The following MYOM1 variants were observed in gnomAD, a reference collection of about 807,000 sequenced individuals.
MYOM1 encodes myomesin 1.
In MYOM1, 164 loss-of-function variants were observed where a neutral mutation model predicts 205.3. The ratio of observed to expected loss-of-function variants is 0.80; its 90% CI spans 0.70 to 0.91. MYOM1 has a LOEUF of 0.91. MYOM1 is among the 40% of genes least tolerant of loss of function. MYOM1 has a pLI of 0.00. For missense variants in MYOM1, 2,011 were observed against 2,127.3 expected, an observed-to-expected ratio of 0.95 and a Z score of 1.08; for synonymous variants, 772 against 789.4, an observed-to-expected ratio of 0.98 and a Z score of 0.37.
intron 10 of MYOM1, among the ~76,000 whole-genome samples, chr18:3,163,034 C>CA (rs58732919): frequency 3.0e-3 from 392 of 130,628 alleles, no homozygotes; most frequent in Non-Finnish European, 4.8e-3. Flanking sequence ...CTCAAAAAAA[C>CA]AAAAAAAAAC....
intron 34 of MYOM1, among the ~76,000 whole-genome samples, chr18:3,077,573 A>G (rs945684524): frequency 1.5e-4 from 23 of 152,208 alleles, no homozygotes; most frequent in East Asian, 1.9e-4. Flanking sequence ...ACTCTGACAG[A>G]GAGGTGGGAA....
chr18:3,104,820 T>G (rs1335565301), intron 22 of MYOM1, among the ~76,000 whole-genome samples: 2 of 147,774 alleles, frequency 1.4e-5, no homozygotes, highest in Non-Finnish European at 3.0e-5. Flanking sequence ...TGGTGTGATC[T>G]TGCCTCGCTG....
upstream of MYOM1, among the ~76,000 whole-genome samples, chr18:3,223,749 T>G (rs1262610544): frequency 6.6e-6 from 1 of 152,238 alleles, no homozygotes; most frequent in Non-Finnish European, 1.5e-5. Flanking sequence ...AAACTCTGCT[T>G]CTACCTGCTG....
chr18:3,069,053 GC>G (rs1417207945), intron 37 of MYOM1, among the ~76,000 whole-genome samples: 2 of 152,100 alleles, frequency 1.3e-5, no homozygotes, highest in Non-Finnish European at 2.9e-5. Flanking sequence ...GAGATTACAG[GC>G]ATGGGCCACC....
chr18:3,085,299 A>G (rs2079140398), intron 30 of MYOM1, among the ~76,000 whole-genome samples, 167 bp from the exon 31 acceptor site: 1 of 112,752 alleles, frequency 8.9e-6, no homozygotes, highest in Admixed American at 1.4e-4. Context: ...TCTATCAGCC[A>G]GGCTGGAGTG....
intron 3 of MYOM1, chr18:3,190,334 TAAG>T (rs1306055813): frequency 6.6e-6 from 1 of 152,240 alleles, no homozygotes; most frequent in African/African-American, 2.4e-5. Context: ...TCGTGCATTC[TAAG>T]AATGATTACT....
At chr18:3,187,964 G>A (rs1467813117) in intron 4 of MYOM1, among the ~76,000 whole-genome samples, 1 of 146,632 alleles carries the variant, frequency 6.8e-6, no homozygotes, top group Non-Finnish European at 1.5e-5. Flanking sequence ...TCAGCCTCCC[G>A]AGTAGCTGGG....
intron 4 of MYOM1, 119 bp downstream of exon 4, chr18:3,188,629 A>C (rs924571369): frequency 5.9e-6 from 7 of 1,180,522 alleles, no homozygotes; most frequent in East Asian, 5.2e-5. Context: ...ACTCCATCTC[A>C]AAAGGAAAAA....
chr18:3,163,324 T>C (rs1444216452), intron 10 of MYOM1, among the ~76,000 whole-genome samples: 4 of 152,230 alleles, frequency 2.6e-5, no homozygotes, highest in Admixed American at 6.5e-5. Flanking sequence ...GGAACAGTCA[T>C]AGGGAACTGT....
intron 14 of MYOM1, among the ~76,000 whole-genome samples, chr18:3,140,211 A>C (rs1242658621): frequency 1.3e-5 from 2 of 152,030 alleles, no homozygotes; most frequent in African/African-American, 4.8e-5. Context: ...GTTCGAGATC[A>C]CCCTGGCTAA....
At chr18:3,129,176 A>C (rs1410005248) in intron 18 of MYOM1, 56 bp downstream of exon 18, 10 of 1,549,432 alleles carry the variant, frequency 6.5e-6, no homozygotes. Context: ...GTAGACGATG[A>C]GAGGTGAGGA....
intron 5 of MYOM1, among the ~76,000 whole-genome samples, chr18:3,181,713 C>A (rs1034186017): frequency 2.7e-5 from 4 of 147,178 alleles, no homozygotes; most frequent in African/African-American, 1.0e-4. Context: ...TGACAACGAC[C>A]TTTGGGTGAA....
At chr18:3,071,420 A>G (rs549120976) in intron 37 of MYOM1, among the ~76,000 whole-genome samples, 1 of 152,114 alleles carries the variant, frequency 6.6e-6, no homozygotes, top group South Asian at 2.1e-4. Flanking sequence ...GTGCAGTGGC[A>G]TGATCTTGGC....
intron 31 of MYOM1, 149 bp downstream of exon 31, chr18:3,084,896 C>G (rs905048727): frequency 5.1e-6 from 3 of 587,106 alleles, no homozygotes; most frequent in African/African-American, 3.8e-5. Context: ...TTGAATAAAA[C>G]AGTTCACTCT....
At chr18:3,241,001 G>A in the MYOM1 span, among the ~76,000 whole-genome samples, 1 of 152,204 alleles carries the variant, frequency 6.6e-6, no homozygotes, top group Non-Finnish European at 1.5e-5. Flanking sequence ...TCTGGCAGAA[G>A]AAATTTCTAA....
intron 18 of MYOM1, among the ~76,000 whole-genome samples, chr18:3,128,570 T>C (rs946474476): frequency 6.6e-6 from 1 of 152,226 alleles, no homozygotes; most frequent in Non-Finnish European, 1.5e-5. Context: ...ACTTTTAAAC[T>C]TTTCATGGTA....
intron 27 of MYOM1, among the ~76,000 whole-genome samples, chr18:3,090,420 A>G (rs2079208724): frequency 6.6e-6 from 1 of 151,844 alleles, no homozygotes; most frequent in Admixed American, 6.6e-5. Flanking sequence ...GGGTTTCACC[A>G]TGTTGGCCAG....
At chr18:3,123,645 CT>C (rs1228674877) in intron 19 of MYOM1, among the ~76,000 whole-genome samples, 3 of 148,300 alleles carry the variant, frequency 2.0e-5, no homozygotes, top group Non-Finnish European at 4.5e-5. Context: ...TTGTTGTTTT[CT>C]TTTGTTTTGT....
rs8097626 is a variant in MYOM1, at chr18:3,112,051, A to C, written c.3418+247T>G. On this transcript the variant is annotated intron_variant, in intron 22 of 37. Transcript: ENST00000356443. ...TGGTCCGGGAAGCTTAACTTGATCA[A>C]GAACTTCCGGGTTTTTAGGTATGCA... Among the ~76,000 whole-genome samples the C allele has an allele frequency of 0.21, 32,473 of 152,114 alleles. 4,118 individuals are homozygous for C. The highest frequency in any genetic ancestry group is 0.42 in the East Asian group (2,183 of 5,170).
Sources: allele counts gnomAD v4.1 joint callset (sites outside exome capture counted in the v4.1 genomes callset), GRCh38; gene constraint gnomAD v4.1.1; transcripts MANE v1.5; gene names NCBI Gene and HGNC (gene_info 2026-07-23, HGNC 2026-07-21).